CELF2: variants seen among roughly 807,000 people sequenced by gnomAD.
CELF2 encodes CUGBP Elav-like family member 2.
Under a neutral mutation model 62.6 loss-of-function variants are expected in CELF2, and 8 were observed. That is an observed-to-expected ratio of 0.13 (90% confidence interval 0.07 to 0.23). CELF2 has a LOEUF of 0.23. Ranked by LOEUF, CELF2 falls within the 10% of genes least tolerant of loss-of-function variation. CELF2 has a pLI of 1.00. For synonymous variants in CELF2, 258 were observed against 250.0 expected (o/e 1.03, Z -0.30); for missense variants, 333 against 671.0 (o/e 0.50, Z 5.56).
chr10:10,487,619 G>C, the CELF2 span, among the ~76,000 whole-genome samples: 1 of 152,212 alleles, frequency 6.6e-6, no homozygotes, highest in South Asian at 2.1e-4. Flanking sequence ...TTCACCTTTG[G>C]AAGTTTCATA....
At chr10:10,658,477 C>A in the CELF2 span, among the ~76,000 whole-genome samples, 1 of 152,130 alleles carries the variant, frequency 6.6e-6, no homozygotes, top group African/African-American at 2.4e-5. Context: ...GATAAGTCAA[C>A]ATAAATCTAT....
chr10:10,811,424 A>C (rs571311693), intron 1 of CELF2, among the ~76,000 whole-genome samples: 1 of 152,252 alleles, frequency 6.6e-6, no homozygotes, highest in South Asian at 2.1e-4. Flanking sequence ...TGATTAGGCA[A>C]CTGGGTGTGT....
At chr10:10,615,760 A>G in the CELF2 span, among the ~76,000 whole-genome samples, 1 of 152,076 alleles carries the variant, frequency 6.6e-6, no homozygotes, top group Non-Finnish European at 1.5e-5. Flanking sequence ...ACCTTCCACC[A>G]TGATTGTAAG....
intron 1 of CELF2, among the ~76,000 whole-genome samples, chr10:11,144,253 A>G (rs1436619068): frequency 6.6e-6 from 1 of 152,168 alleles, no homozygotes; most frequent in Non-Finnish European, 1.5e-5. Flanking sequence ...AGGAAAAAAA[A>G]CCGTCCCTCT....
the CELF2 span, among the ~76,000 whole-genome samples, chr10:10,762,254 A>C: frequency 6.6e-6 from 1 of 152,088 alleles, no homozygotes; most frequent in African/African-American, 2.4e-5. Context: ...GCAGGAGAAG[A>C]GTTCTACAGG....
At chr10:10,625,891 A>G in the CELF2 span, among the ~76,000 whole-genome samples, 1 of 151,404 alleles carries the variant, frequency 6.6e-6, no homozygotes. Flanking sequence ...TGCTGTGGTC[A>G]TTGTATCTAT....
the CELF2 span, among the ~76,000 whole-genome samples, chr10:10,525,585 A>G: frequency 6.6e-6 from 1 of 152,216 alleles, no homozygotes; most frequent in Non-Finnish European, 1.5e-5. Context: ...AAGTGAGACC[A>G]TGCAAAATTT....
intron 2 of CELF2, among the ~76,000 whole-genome samples, chr10:11,213,130 G>A (rs886127559): frequency 6.6e-6 from 1 of 152,180 alleles, no homozygotes; most frequent in Non-Finnish European, 1.5e-5. Context: ...TCCACTCCAT[G>A]GACAGTAGGG....
the CELF2 span, among the ~76,000 whole-genome samples, chr10:10,687,564 A>T: frequency 6.6e-6 from 1 of 152,178 alleles, no homozygotes; most frequent in Non-Finnish European, 1.5e-5. Flanking sequence ...AACATCAGAG[A>T]GTCATTGGCT....
chr10:10,616,389 C>T, the CELF2 span, among the ~76,000 whole-genome samples: 1 of 149,716 alleles, frequency 6.7e-6, no homozygotes, highest in African/African-American at 2.5e-5. Context: ...GAAGTGGCCT[C>T]CTGTTATGGA....
At chr10:11,035,291 T>C (rs1049648125) in intron 1 of CELF2, among the ~76,000 whole-genome samples, 6 of 152,242 alleles carry the variant, frequency 3.9e-5, no homozygotes, top group African/African-American at 1.4e-4. Flanking sequence ...TACAAGTTTA[T>C]TTGTTGTTTC....
At chr10:11,120,294 A>G (rs1025738008) in intron 1 of CELF2, among the ~76,000 whole-genome samples, 1 of 152,144 alleles carries the variant, frequency 6.6e-6, no homozygotes, top group Non-Finnish European at 1.5e-5. Flanking sequence ...AATATTCCCC[A>G]AATAGTTAGT....
intron 2 of CELF2, among the ~76,000 whole-genome samples, chr10:10,930,983 G>A (rs1197164901): frequency 1.3e-5 from 2 of 152,094 alleles, no homozygotes; most frequent in Non-Finnish European, 1.5e-5. Context: ...AGGTTGATTT[G>A]CTTTTTATAC....
chr10:11,312,754 T>G (rs1469980603), intron 9 of CELF2, among the ~76,000 whole-genome samples: 1 of 152,092 alleles, frequency 6.6e-6, no homozygotes, highest in Non-Finnish European at 1.5e-5. Context: ...GCCAACATGG[T>G]GAAACCCCGT....
chr10:11,184,522 A>C (rs925611040), intron 2 of CELF2, among the ~76,000 whole-genome samples: 8 of 152,226 alleles, frequency 5.3e-5, no homozygotes, highest in Admixed American at 3.9e-4. Context: ...TGAGTCTTCA[A>C]AACCATGAAG....
the CELF2 span, among the ~76,000 whole-genome samples, chr10:10,729,424 G>A: frequency 6.6e-6 from 1 of 152,170 alleles, no homozygotes; most frequent in Non-Finnish European, 1.5e-5. Context: ...GCTGCTTCAA[G>A]GATAATTTGT....
Position 11,224,703 on chromosome 10 carries a change from C to G in CELF2, c.354+7196C>G, listed in dbSNP as rs955817957. ...TCATCTCTGAGAATATCATATCTGG[C>G]TGGACAGATCTTTAATCTTTGACAT... On this transcript the variant is annotated intron_variant, in intron 3 of 12. Transcript: ENST00000633077. The surrounding 1 kb of genome is among the most constrained non-coding windows in gnomAD (Gnocchi z 4.5). Among the ~76,000 whole-genome samples, 4 of 152,146 alleles carry G rather than the reference C, an allele frequency of 2.6e-5. No individual in the cohort carries two copies. The highest frequency in any genetic ancestry group is 2.6e-4 in the Admixed American group (4 of 15,270).
At chr10:11,288,964 C>T (rs553636089) in intron 9 of CELF2, among the ~76,000 whole-genome samples, 88 of 152,304 alleles carry the variant, frequency 5.8e-4, no homozygotes, top group African/African-American at 2.0e-3. Context: ...TGTCACATTT[C>T]ACAGCAACTC....
the CELF2 span, among the ~76,000 whole-genome samples, chr10:10,501,214 T>A: frequency 1.3e-5 from 2 of 152,228 alleles, no homozygotes; most frequent in Non-Finnish European, 2.9e-5. Flanking sequence ...CCATTTTGCA[T>A]TTCCACAGCA....
Sources: gnomAD v4.1 joint callset for allele counts (sites outside exome capture counted in the v4.1 genomes callset) on GRCh38, gnomAD v4.1.1 for gene constraint, Gnocchi (gnomAD v3.1) non-coding constraint, MANE v1.5 for transcripts, NCBI Gene and HGNC (gene_info 2026-07-23, HGNC 2026-07-21) for gene names.